Variants in ANO4 observed in about 807,000 individuals in gnomAD.
ANO4 encodes the protein anoctamin-4.
In ANO4, 69 loss-of-function variants were observed where a neutral mutation model predicts 141.9. That is an observed-to-expected ratio of 0.49 (90% CI 0.40 to 0.59). The LOEUF (loss-of-function observed/expected upper bound fraction) is 0.59. ANO4 is among the 20% of genes least tolerant of loss of function. The pLI is 0.00. For missense variants in ANO4, 894 were observed against 1,162.2 expected (o/e 0.77, Z 3.36); for synonymous variants, 350 against 394.3 (o/e 0.89, Z 1.33).
chr12:101,060,059 C>T (rs1162614039), intron 14 of ANO4, among the ~76,000 whole-genome samples: 1 of 152,202 alleles, frequency 6.6e-6, no homozygotes, highest in Admixed American at 6.5e-5. Flanking sequence ...CGCAGTTTCC[C>T]AGAGATTCTG....
chr12:100,834,272 T>C (rs1192263958), intron 1 of ANO4, among the ~76,000 whole-genome samples: 1 of 152,128 alleles, frequency 6.6e-6, no homozygotes, highest in African/African-American at 2.4e-5. Flanking sequence ...AGTGGAAGGA[T>C]CTGCCCTTTC....
chr12:100,809,148 A>C (rs2035240688), intron 1 of ANO4, among the ~76,000 whole-genome samples: 1 of 152,200 alleles, frequency 6.6e-6, no homozygotes, highest in South Asian at 2.1e-4. Flanking sequence ...TGGGAGGCCA[A>C]GGTGGGTGGA....
chr12:100,755,468 G>A (rs1329805824), intron 3 of ANO4, among the ~76,000 whole-genome samples: 1 of 152,148 alleles, frequency 6.6e-6, no homozygotes, highest in Non-Finnish European at 1.5e-5. Flanking sequence ...CAGGGAGAAT[G>A]TCTGATTTGA....
chr12:100,864,155 A>G (rs2038629197), intron 1 of ANO4, among the ~76,000 whole-genome samples: 1 of 152,150 alleles, frequency 6.6e-6, no homozygotes, highest in South Asian at 2.1e-4. Context: ...ATATGACTCT[A>G]ACAATGTCGT....
At chr12:100,943,362 A>G (rs1414150592) in intron 5 of ANO4, among the ~76,000 whole-genome samples, 1 of 152,218 alleles carries the variant, frequency 6.6e-6, no homozygotes, top group Non-Finnish European at 1.5e-5. Flanking sequence ...GGCTGAGGGG[A>G]TAGATCTTTG....
intron 3 of ANO4, among the ~76,000 whole-genome samples, chr12:100,928,469 TAAAG>T (rs1157097531): frequency 2.6e-5 from 4 of 151,998 alleles, no homozygotes; most frequent in African/African-American, 4.8e-5. Flanking sequence ...ATTTAGAAAA[TAAAG>T]AAATTAAAGC....
At chr12:100,956,014 C>T (rs1262238951) in intron 5 of ANO4, among the ~76,000 whole-genome samples, 3 of 152,184 alleles carry the variant, frequency 2.0e-5, no homozygotes. Context: ...ATTATATATG[C>T]TCGCTTAGCA....
At chr12:100,788,355 C>T (rs4764995) in intron 3 of ANO4, among the ~76,000 whole-genome samples, 14,310 of 152,150 alleles carry the variant, frequency 0.094, 1,098 homozygotes, top group East Asian at 0.35. Flanking sequence ...TGTAATTTAA[C>T]GTTTTTACTC....
intron 9 of ANO4, among the ~76,000 whole-genome samples, chr12:101,023,188 G>T (rs565186488): frequency 6.6e-6 from 1 of 152,146 alleles, no homozygotes; most frequent in Non-Finnish European, 1.5e-5. Flanking sequence ...TTAAATTATT[G>T]TGCCTAATTT....
At chr12:100,933,107 T>C (rs1450315180) in intron 3 of ANO4, among the ~76,000 whole-genome samples, 4 of 80,672 alleles carry the variant, frequency 5.0e-5, no homozygotes, top group Admixed American at 1.5e-4. Context: ...TTCTTGTCAT[T>C]CTTTTTTTTT....
intron 1 of ANO4, among the ~76,000 whole-genome samples, chr12:100,869,330 C>T (rs2038917985): frequency 6.6e-6 from 1 of 152,228 alleles, no homozygotes; most frequent in African/African-American, 2.4e-5. Flanking sequence ...CTGAGCTGTG[C>T]TTGGACCTGA....
intron 2 of ANO4, among the ~76,000 whole-genome samples, chr12:100,906,210 GAGAA>G (rs1284043969): frequency 6.6e-6 from 1 of 152,146 alleles, no homozygotes; most frequent in Non-Finnish European, 1.5e-5. Context: ...GTAGGAAAGA[GAGAA>G]AGGGAATCAA....
chr12:100,901,697 G>T lies in ANO4; in HGVS notation c.-89G>T. 1.7e-6 allele frequency: 2 copies of T among 1,150,472 alleles called. No homozygotes were observed. Among genetic ancestry groups the T allele is most frequent in the Non-Finnish European group, 2.6e-6 (2 of 757,558 alleles). The allele number at this position is 1,150,472 out of a possible 1,614,324, so 71.3% of individuals were successfully genotyped here. A position where few individuals can be genotyped will look rare whatever the true frequency, so the allele number is the denominator to read the frequency against. On this transcript the variant is annotated 5_prime_UTR_variant, in exon 2 of 28. Coordinates refer to ENST00000392977, the MANE Select transcript of ANO4 (RefSeq NM_001286615.2). ...GAAAAGCGTTTGCAAATCCATCAAC[G>T]GCGAAGTGTGGCAAGCCGCCCAGCG...
At chr12:100,809,355 C>T (rs1489586204) in intron 1 of ANO4, among the ~76,000 whole-genome samples, 1 of 151,214 alleles carries the variant, frequency 6.6e-6, no homozygotes, top group Non-Finnish European at 1.5e-5. Flanking sequence ...CCACTGCACT[C>T]CAACCTGGGC....
intron 1 of ANO4, among the ~76,000 whole-genome samples, chr12:100,818,979 A>G (rs901039329): frequency 6.6e-6 from 1 of 151,588 alleles, no homozygotes; most frequent in Non-Finnish European, 1.5e-5. Flanking sequence ...CTATGTATCT[A>G]TCATTCTCAA....
intron 5 of ANO4, among the ~76,000 whole-genome samples, chr12:100,965,345 C>T (rs745308984): frequency 3.3e-5 from 5 of 152,060 alleles, no homozygotes; most frequent in Admixed American, 2.6e-4. Context: ...TTTCTCCTTT[C>T]GTTCTGGTTC....
intron 1 of ANO4, among the ~76,000 whole-genome samples, chr12:100,847,292 A>T (rs1222683619): frequency 2.6e-5 from 4 of 152,216 alleles, no homozygotes; most frequent in Non-Finnish European, 5.9e-5. Flanking sequence ...CGCTGTGCAG[A>T]TCAGGTGGAA....
rs75601026 is a variant in ANO4 at position 100,819,612 on chromosome 12, G to A, written c.-141+24585G>A. Among the ~76,000 whole-genome samples the A allele has an allele frequency of 2.8e-3, 426 of 151,874 alleles. 4 individuals are homozygous for A. Among genetic ancestry groups the A allele is most frequent in the African/African-American group, 9.7e-3 (404 of 41,474 alleles). The stretch of plus-strand genomic sequence containing the variant: ...AAATGTATATTTTAAAATTCTTGGT[G>A]GTAATTAGTGATGATAGGTTCGCTG... On this transcript the variant is annotated intron_variant, in intron 1 of 27. Transcript: ENST00000392977.
At position 100,880,580 on chromosome 12, in the gene ANO4, C is replaced by T. The variant is rs76788350; in HGVS notation, c.-140-21066C>T. Among the ~76,000 whole-genome samples the T allele has an allele frequency of 6.5e-3, 992 of 152,282 alleles. 27 individuals are homozygous for T. In the East Asian group the frequency reaches 0.077, roughly 12 times the overall value. On this transcript the variant is annotated intron_variant, in intron 1 of 27. Coordinates refer to ENST00000392977, the MANE Select transcript of ANO4 (RefSeq NM_001286615.2). ...GTTAATTTATACAATAATACAATCA[C>T]AAGGATTAGAACTTCATTCTCACTT... is the stretch of plus-strand genomic sequence containing the variant.
Sources: allele counts gnomAD v4.1 joint callset (sites outside exome capture counted in the v4.1 genomes callset), GRCh38; gene constraint gnomAD v4.1.1; transcripts MANE v1.5; gene names NCBI Gene and HGNC (gene_info 2026-07-23, HGNC 2026-07-21).